ZBTB20: variants seen among roughly 807,000 people sequenced by gnomAD.
The protein encoded by ZBTB20 is zinc finger and BTB domain-containing protein 20.
A neutral mutation model predicts 56.9 loss-of-function variants in ZBTB20; 9 were observed. The observed-to-expected ratio is 0.16, with a 90% CI of 0.10 to 0.28. The LOEUF is 0.28. ZBTB20 is among the 10% of genes least tolerant of loss of function. The probability of loss-of-function intolerance (pLI) is 1.00; values close to 1 mark genes in which losing one functional copy is unlikely to be tolerated. For synonymous variants in ZBTB20, 417 were observed against 420.7 expected (o/e 0.99, Z 0.11); for missense variants, 655 against 1,003.0 (o/e 0.65, Z 4.69).
intron 1 of ZBTB20, among the ~76,000 whole-genome samples, chr3:115,075,400 C>T (rs1210894186): frequency 6.6e-6 from 1 of 152,104 alleles, no homozygotes; most frequent in South Asian, 2.1e-4. Flanking sequence ...CTATGACTGG[C>T]TCATTTCAAT....
chr3:114,342,653 A>G (rs1415972317), intron 11 of ZBTB20, among the ~76,000 whole-genome samples: 1 of 152,220 alleles, frequency 6.6e-6, no homozygotes, highest in Non-Finnish European at 1.5e-5. Context: ...GAAGAGATAA[A>G]GCACTTAGTA....
intron 6 of ZBTB20, among the ~76,000 whole-genome samples, chr3:114,691,460 T>A (rs1578366723): frequency 6.6e-6 from 1 of 152,214 alleles, no homozygotes. Flanking sequence ...ATAAAAAATT[T>A]AAAAACATAT....
At chr3:114,444,275 TAGAG>T (rs1184291781) in intron 7 of ZBTB20, among the ~76,000 whole-genome samples, 6 of 152,146 alleles carry the variant, frequency 3.9e-5, no homozygotes, top group African/African-American at 1.2e-4. Context: ...TTGGTGGCGA[TAGAG>T]GGAGAAAAAA....
intron 6 of ZBTB20, among the ~76,000 whole-genome samples, chr3:114,634,641 C>T (rs1472092996): frequency 6.6e-6 from 1 of 152,120 alleles, no homozygotes; most frequent in Non-Finnish European, 1.5e-5. Flanking sequence ...TAGAGGCACC[C>T]TAGAGGATCC....
chr3:114,364,270 G>A (rs1247205130), intron 10 of ZBTB20, among the ~76,000 whole-genome samples: 1 of 152,166 alleles, frequency 6.6e-6, no homozygotes, highest in East Asian at 1.9e-4. Context: ...TAGCCAACAT[G>A]GTGAAACCTC....
chr3:114,993,100 GATA>G (rs1165083294), intron 2 of ZBTB20, among the ~76,000 whole-genome samples: 22 of 151,980 alleles, frequency 1.4e-4, no homozygotes, highest in Non-Finnish European at 2.1e-4. Flanking sequence ...TTTTTAGGCA[GATA>G]ATATTTTAGA....
In ZBTB20 at chr3:114,542,793, T is replaced by G. The variant is rs141396137; in HGVS notation, c.-294-42402A>C. 6.9e-3 allele frequency among the ~76,000 whole-genome samples: 1,044 copies of G among 152,220 alleles called. 4 individuals carry two copies. Among genetic ancestry groups the G allele is most frequent in the Middle Eastern group, 0.024 (7 of 294 alleles). The stretch of plus-strand genomic sequence containing the variant: ...ACCATTCAGAATAACATAGTCAAAT[T>G]CCTTTCCAAAGGTTTAAATACCTAT... On this transcript the variant is annotated intron_variant, in intron 6 of 11. Transcript: ENST00000675478.
In ZBTB20 at chr3:114,318,435, G is replaced by A. The variant is rs767792980; in HGVS notation, c.*20570C>T. ...GTAACAGGAGGGTCTCAGAAGCAGA[G>A]GGTGAAGGAGACAGGAGGCGTGCTC... On this transcript the variant is annotated 3_prime_UTR_variant, in exon 12 of 12. Transcript: ENST00000675478. 10 of 152,450 alleles carry A rather than the reference G, an allele frequency of 6.6e-5. No individual in the cohort carries two copies. Among genetic ancestry groups the A allele is most frequent in the East Asian group, 1.9e-4 (1 of 5,208 alleles). The allele number at this position is 152,450 out of a possible 1,614,324, so 9.4% of individuals were successfully genotyped here. A position where few individuals can be genotyped will look rare whatever the true frequency, so the allele number is the denominator to read the frequency against.
At chr3:114,693,456 A>G (rs1215633703) in intron 6 of ZBTB20, 72 bp downstream of exon 6, 2 of 152,146 alleles carry the variant, frequency 1.3e-5, no homozygotes, top group Non-Finnish European at 2.9e-5. Context: ...TCTGAGGTTC[A>G]TGGAAAGATA....
chr3:114,326,798 T>C lies in ZBTB20; in HGVS notation c.*12207A>G, dbSNP rs942258273. On this transcript the variant is annotated 3_prime_UTR_variant, in exon 12 of 12. Coordinates refer to ENST00000675478, the MANE Select transcript of ZBTB20 (RefSeq NM_001348800.3). ...CCATGTTTCACTTTCTTTGAAGGAA[T>C]TGCATCTATGCACACTTATCCTGAA... 1 of 152,198 alleles carries C rather than the reference T, an allele frequency of 6.6e-6. No individual in the cohort carries two copies. Among genetic ancestry groups the C allele is most frequent in the Non-Finnish European group, 1.5e-5 (1 of 68,030 alleles). The allele number at this position is 152,198 out of a possible 1,614,324, so 9.4% of individuals were successfully genotyped here. A position where few individuals can be genotyped will look rare whatever the true frequency, so the allele number is the denominator to read the frequency against.
intron 5 of ZBTB20, among the ~76,000 whole-genome samples, chr3:114,698,391 G>A (rs1450928211): frequency 6.6e-6 from 1 of 152,060 alleles, no homozygotes; most frequent in Non-Finnish European, 1.5e-5. Context: ...AATTTCTTAT[G>A]TCTATGGAGA....
intron 6 of ZBTB20, among the ~76,000 whole-genome samples, chr3:114,622,549 G>A (rs924132278): frequency 6.6e-6 from 1 of 152,114 alleles, no homozygotes; most frequent in Non-Finnish European, 1.5e-5. Context: ...CTGTCCTAGA[G>A]GCCACTGACA....
At chr3:115,115,999 C>A (rs2084007810) in intron 1 of ZBTB20, among the ~76,000 whole-genome samples, 1 of 152,098 alleles carries the variant, frequency 6.6e-6, no homozygotes, top group Non-Finnish European at 1.5e-5. Context: ...ATGTAGTTTA[C>A]AAAGTGTTCA....
chr3:114,612,343 C>T (rs1363674611), intron 6 of ZBTB20, among the ~76,000 whole-genome samples: 1 of 152,102 alleles, frequency 6.6e-6, no homozygotes, highest in Non-Finnish European at 1.5e-5. Flanking sequence ...AATTACTAGT[C>T]TCTGCAATAA....
At chr3:114,476,398 T>C (rs897727666) in intron 7 of ZBTB20, among the ~76,000 whole-genome samples, 3 of 152,230 alleles carry the variant, frequency 2.0e-5, no homozygotes, top group Non-Finnish European at 2.9e-5. Flanking sequence ...TAAAAAAGCA[T>C]ATTTATGTCT....
chr3:115,055,426 G>C lies in ZBTB20; in HGVS notation c.-507+15793C>G, dbSNP rs550151575. Among the ~76,000 whole-genome samples, 8 of 152,150 alleles carry C rather than the reference G, an allele frequency of 5.3e-5. No homozygotes were observed. In the South Asian group the frequency reaches 1.7e-3, roughly 32 times the overall value. ...GCAACCTACAAGAGGCTCTGAACTA[G>C]AAGCACCCAGTAAAGCAGGTCCCAA... is the stretch of plus-strand genomic sequence containing the variant. On this transcript the variant is annotated intron_variant, in intron 2 of 11. Coordinates refer to ENST00000675478, the MANE Select transcript of ZBTB20 (RefSeq NM_001348800.3).
intron 4 of ZBTB20, among the ~76,000 whole-genome samples, chr3:114,883,343 T>C (rs1208733995): frequency 6.6e-6 from 1 of 152,164 alleles, no homozygotes. Flanking sequence ...TACCTCTGGG[T>C]CTCAATGGTT....
At chr3:114,401,999 A>T (rs1279172843) in intron 7 of ZBTB20, among the ~76,000 whole-genome samples, 1 of 152,206 alleles carries the variant, frequency 6.6e-6, no homozygotes, top group Non-Finnish European at 1.5e-5. Context: ...AGAGTGAAGT[A>T]GCTGTACATA....
At chr3:114,455,352 G>A (rs555288278) in intron 7 of ZBTB20, among the ~76,000 whole-genome samples, 9 of 152,198 alleles carry the variant, frequency 5.9e-5, no homozygotes, top group Middle Eastern at 3.4e-3. Flanking sequence ...TGCTCGTACT[G>A]ACAAATCCTC....
Sources: gnomAD v4.1 joint callset for allele counts (sites outside exome capture counted in the v4.1 genomes callset) on GRCh38, gnomAD v4.1.1 for gene constraint, MANE v1.5 for transcripts, NCBI Gene and HGNC (gene_info 2026-07-23, HGNC 2026-07-21) for gene names.